GPR155: variants seen among roughly 807,000 people sequenced by gnomAD.
GPR155 encodes the protein lysosomal cholesterol signaling protein.
Under a neutral mutation model 93.1 loss-of-function variants are expected in GPR155, and 65 were observed. That is an observed-to-expected ratio of 0.70 (90% CI 0.57 to 0.86). GPR155 has a LOEUF of 0.86. Among genes scored for constraint, GPR155 ranks in the 40% least tolerant of loss-of-function variants. The pLI is 0.00. For missense variants in GPR155, 838 were observed against 1,034.8 expected (o/e 0.81, Z 2.61); for synonymous variants, 319 against 360.1 (o/e 0.89, Z 1.29).
In GPR155 at chr2:174,433,336, G is replaced by A. The variant is rs1036724630; in HGVS notation, c.*2780C>T. 2.6e-5 allele frequency: 4 copies of A among 152,170 alleles called. No individual in the cohort carries two copies. Among genetic ancestry groups the A allele is most frequent in the Admixed American group, 2.0e-4 (3 of 15,284 alleles). 9.4% of individuals were successfully genotyped at this position (152,170 alleles called of 1,614,324 possible). On this transcript the variant is annotated 3_prime_UTR_variant, in exon 16 of 16. Coordinates refer to ENST00000392552, the MANE Select transcript of GPR155 (RefSeq NM_152529.7). ...GTCTGTGTCCTCCTAGAATTCTTAT[G>A]TTGAAACCTAATCCTCAATCATGTT...
rs2105651498 is a variant in GPR155, at chr2:174,433,796, T to A, written c.*2320A>T. On this transcript the variant is annotated 3_prime_UTR_variant, in exon 16 of 16. Coordinates refer to ENST00000392552, the MANE Select transcript of GPR155 (RefSeq NM_152529.7). ...TCTTGGACTTCACAGCCTCCAAAAC[T>A]GTGAGAAATAAGTTTATGTTGTTTA... 6.6e-6 allele frequency: 1 copy of A among 152,322 alleles called. No individual in the cohort carries two copies. The highest frequency in any genetic ancestry group is 2.1e-4 in the South Asian group (1 of 4,828). 9.4% of individuals were successfully genotyped at this position (152,322 alleles called of 1,614,324 possible). A position where few individuals can be genotyped will look rare whatever the true frequency, so the allele number is the denominator to read the frequency against.
chr2:174,433,447 T>C lies in GPR155; in HGVS notation c.*2669A>G, dbSNP rs183791499. ...AACTGTTGTGTGCTCAGTGTTCAGA[T>C]TGTGTCTGGAACATGCTAGATGCTC... On this transcript the variant is annotated 3_prime_UTR_variant, in exon 16 of 16. Transcript: ENST00000392552. The C allele has an allele frequency of 9.2e-5, 14 of 152,348 alleles. No homozygotes were observed. The highest frequency in any genetic ancestry group is 6.5e-4 in the Admixed American group (10 of 15,304). The allele number at this position is 152,348 out of a possible 1,614,324, so 9.4% of individuals were successfully genotyped here.
chr2:174,437,356 A>C (rs553529640), intron 15 of GPR155, among the ~76,000 whole-genome samples: 4 of 152,336 alleles, frequency 2.6e-5, no homozygotes, highest in Admixed American at 2.6e-4. Flanking sequence ...ATGAATATTC[A>C]TTAGAGTTTA....
intron 10 of GPR155, among the ~76,000 whole-genome samples, chr2:174,457,514 T>C (rs1247744541): frequency 2.0e-5 from 3 of 152,176 alleles, no homozygotes; most frequent in Non-Finnish European, 4.4e-5. Context: ...TGGAATGCAG[T>C]GGCACGATCT....
Position 174,432,484 on chromosome 2 carries a change from A to G in GPR155, c.*3632T>C, listed in dbSNP as rs188664655. ...AGTAGTATGACTTGTTCACAAACAAATTCTCCACTTGAGTTTCAGTTGTCT... is the reference window on the plus strand; with the variant it reads ...AGTAGTATGACTTGTTCACAAACAAGTTCTCCACTTGAGTTTCAGTTGTCT... On this transcript the variant is annotated 3_prime_UTR_variant, in exon 16 of 16. Transcript: ENST00000392552. The G allele has an allele frequency of 6.4e-4, 97 of 152,446 alleles. No homozygotes were observed. Among genetic ancestry groups the G allele is most frequent in the African/African-American group, 2.2e-3 (93 of 41,576 alleles). 9.4% of individuals were successfully genotyped at this position (152,446 alleles called of 1,614,324 possible). A position where few individuals can be genotyped will look rare whatever the true frequency, so the allele number is the denominator to read the frequency against.
intron 3 of GPR155, 48 bp downstream of exon 3, chr2:174,472,917 T>C (rs1258640284): frequency 1.3e-6 from 2 of 1,496,780 alleles, no homozygotes; most frequent in Non-Finnish European, 9.1e-7. Flanking sequence ...ATTGGCTAAA[T>C]ACGGCTTTCA....
intron 2 of GPR155, among the ~76,000 whole-genome samples, chr2:174,477,661 A>G (rs993148855): frequency 2.6e-5 from 4 of 152,008 alleles, no homozygotes; most frequent in Non-Finnish European, 5.9e-5. Context: ...TTTTTTTGCT[A>G]TCAATCTGAA....
At chr2:174,442,736 G>A (rs1687003577) in intron 13 of GPR155, among the ~76,000 whole-genome samples, 1 of 152,160 alleles carries the variant, frequency 6.6e-6, no homozygotes, top group Non-Finnish European at 1.5e-5. Context: ...TAGGAAGTTG[G>A]GAGCTGCCAT....
At position 174,481,557 on chromosome 2, in the gene GPR155, C is replaced by T. The variant is rs1420265130; in HGVS notation, c.400G>A (p.Ala134Thr). The change falls in exon 2 of 16, where the codon GCT (alanine) becomes ACT (threonine). Residue 134 changes from alanine (A) to threonine (T), a missense_variant. Physicochemically the swap from Ala to Thr is moderately conservative, Grantham distance 58. Around this residue, in one of 3 missense-constraint regions of GPR155, gnomAD observed 663 missense variants for 790.1 expected, o/e 0.84. Coordinates refer to ENST00000392552, the MANE Select transcript of GPR155 (RefSeq NM_152529.7). Reference protein sequence around the residue: ...VASPDSRFSKAGLFPIFATQS... With the variant: ...VASPDSRFSKTGLFPIFATQS... ...GTAGCAAAAATAGGGAATAGTCCAG[C>T]TTTGCTAAATCGACTATCAGGACTG... The T allele has an allele frequency of 6.2e-7, 1 of 1,613,114 alleles. No individual in the cohort carries two copies. The highest frequency in any genetic ancestry group is 8.5e-7 in the Non-Finnish European group (1 of 1,179,802).
chr2:174,481,999 G>A lies in GPR155; in HGVS notation c.-31-12C>T. On this transcript the variant is annotated splice_polypyrimidine_tract_variant and intron_variant, in intron 1 of 15. Coordinates refer to ENST00000392552, the MANE Select transcript of GPR155 (RefSeq NM_152529.7). ...CTCCAACCAGATCTCTGGAAAGAAA[G>A]GAAGAAAGATTCAGTATGGCCATCA... is the stretch of plus-strand genomic sequence containing the variant. 1 of 1,366,126 alleles carries A rather than the reference G, an allele frequency of 7.3e-7. No homozygotes were observed. Among genetic ancestry groups the A allele is most frequent in the Non-Finnish European group, 1.0e-6 (1 of 978,808 alleles). 84.6% of individuals were successfully genotyped at this position (1,366,126 alleles called of 1,614,324 possible).
chr2:174,464,562 T>G (rs1268651630), intron 7 of GPR155, among the ~76,000 whole-genome samples: 1 of 151,724 alleles, frequency 6.6e-6, no homozygotes, highest in Non-Finnish European at 1.5e-5. Flanking sequence ...CAGAATGACT[T>G]CTTTGAATAG....
In GPR155 at chr2:174,432,915, C is replaced by G. The variant is rs1686677516; in HGVS notation, c.*3201G>C. The stretch of plus-strand genomic sequence containing the variant: ...AGTAGCTGGGACTATAGGTGCCCAC[C>G]ACCACGTCTGGCTAATTTTTTGTAT... On this transcript the variant is annotated 3_prime_UTR_variant, in exon 16 of 16. Transcript: ENST00000392552. The G allele has an allele frequency of 6.6e-6, 1 of 151,894 alleles. No homozygotes were observed. The highest frequency in any genetic ancestry group is 2.4e-5 in the African/African-American group (1 of 41,318). 9.4% of individuals were successfully genotyped at this position (151,894 alleles called of 1,614,324 possible).
At chr2:174,473,435 T>A in intron 2 of GPR155, 71 bp from the exon 3 acceptor site, 4 of 998,750 alleles carry the variant, frequency 4.0e-6, no homozygotes, top group Non-Finnish European at 5.9e-6. Flanking sequence ...TATATAACAT[T>A]TTCTGTACTT....
intron 1 of GPR155, 115 bp from the exon 2 acceptor site, chr2:174,482,102 C>T: frequency 3.4e-6 from 2 of 593,718 alleles, no homozygotes; most frequent in Non-Finnish European, 6.0e-6. Context: ...AATATACATA[C>T]CCCTAGATTT....
intron 14 of GPR155, among the ~76,000 whole-genome samples, chr2:174,440,281 A>T (rs6744576): frequency 0.068 from 10,303 of 152,176 alleles, 1,113 homozygotes; most frequent in African/African-American, 0.23. Flanking sequence ...GGAAGACTTA[A>T]TCATTTTATA....
rs768951637 is a variant in GPR155 at position 174,439,913 on chromosome 2, A to G, written c.2297T>C (p.Ile766Thr). 10 of 1,612,810 alleles carry G rather than the reference A, an allele frequency of 6.2e-6. No individual in the cohort carries two copies. Among genetic ancestry groups the G allele is most frequent in the East Asian group, 4.5e-5 (2 of 44,836 alleles). Residue 766 changes from isoleucine to threonine, a missense_variant, in exon 15 of 16, where the codon ATT becomes ACT. Coordinates refer to ENST00000392552, the MANE Select transcript of GPR155 (RefSeq NM_152529.7). ...HYHRDLCIRNIVKERRCGAKT... is the reference protein window; with the variant it reads ...HYHRDLCIRNTVKERRCGAKT... ...CTTTGCTTACCTTCTTTCTTTGACA[A>G]TGTTTCGGATACAGAGGTCACGGTG...
chr2:174,482,092 A>C, intron 1 of GPR155, 105 bp from the exon 2 acceptor site: 1 of 618,562 alleles, frequency 1.6e-6, no homozygotes, highest in South Asian at 2.0e-5. Context: ...TGGCCAAATA[A>C]ATATACATAC....
rs1398202355 is a variant in GPR155, at chr2:174,431,803, GT to G, written c.*4312del. The G allele has an allele frequency of 6.6e-6, 1 of 151,806 alleles. No individual in the cohort carries two copies. Among genetic ancestry groups the G allele is most frequent in the African/African-American group, 2.4e-5 (1 of 41,402 alleles). 9.4% of individuals were successfully genotyped at this position (151,806 alleles called of 1,614,324 possible). A position where few individuals can be genotyped will look rare whatever the true frequency, so the allele number is the denominator to read the frequency against. On this transcript the variant is annotated 3_prime_UTR_variant, in exon 16 of 16. Transcript: ENST00000392552. ...TGCGTAACAAACATATAAAACACTAGTTTCACATTTTTCTTGCTTTAGAAAT... is the reference window on the plus strand; with the variant it reads ...TGCGTAACAAACATATAAAACACTAGTTCACATTTTTCTTGCTTTAGAAAT...
intron 9 of GPR155, 66 bp from the exon 10 acceptor site, chr2:174,460,154 ATTTT>A (rs11385015): frequency 0.012 from 4,826 of 394,120 alleles, no homozygotes; most frequent in Middle Eastern, 0.026. Context: ...CTTAGGGCAC[ATTTT>A]TTTTTTTTTT....
Sources: gnomAD v4.1 joint callset for allele counts (sites outside exome capture counted in the v4.1 genomes callset) on GRCh38, gnomAD v4.1.1 for gene constraint, gnomAD v4.1.1 regional missense constraint, MANE v1.5 for transcripts, NCBI Gene and HGNC (gene_info 2026-07-23, HGNC 2026-07-21) for gene names.